THAP7: variants seen among roughly 807,000 people sequenced by gnomAD.
THAP7 encodes the protein THAP domain-containing protein 7.
Under a neutral mutation model 29.2 loss-of-function variants are expected in THAP7, and 22 were observed. The ratio of observed to expected loss-of-function variants is 0.75; its 90% CI spans 0.54 to 1.08. The LOEUF (loss-of-function observed/expected upper bound fraction) is 1.08. Ranked by LOEUF, THAP7 falls within the 50% of genes least tolerant of loss-of-function variation. The pLI, the probability that THAP7 is intolerant of heterozygous loss-of-function variation, is 0.00. For missense variants in THAP7, 448 were observed against 416.2 expected, an observed-to-expected ratio of 1.08 and a Z score of -0.66; for synonymous variants, 208 against 173.4, an observed-to-expected ratio of 1.20 and a Z score of -1.57.
At position 21,001,945 on chromosome 22, in the gene THAP7, CTCTCCGGGCATCCGG is replaced by C. The variant is rs1163069665; in HGVS notation, c.-49_-35del. The stretch of plus-strand genomic sequence containing the variant: ...GAGGCGGGAGTTAAGTCGCAAGCGG[CTCTCCGGGCATCCGG>C]AGGAGCCTCGCGCCTCCAGCCGCCG... On this transcript the variant is annotated 5_prime_UTR_variant, in exon 1 of 4. The change abolishes an upstream ATG in the 5' untranslated region. Coordinates refer to ENST00000215742, the MANE Select transcript of THAP7 (RefSeq NM_030573.3). The C allele has an allele frequency of 6.5e-7, 1 of 1,527,088 alleles. No homozygotes were observed. 94.6% of individuals were successfully genotyped at this position (1,527,088 alleles called of 1,614,324 possible). A position where few individuals can be genotyped will look rare whatever the true frequency, so the allele number is the denominator to read the frequency against.
rs1456979399 is a variant in THAP7 at position 20,999,987 on chromosome 22, G to A, written c.823C>T (p.Leu275=). Residue 275 remains leucine, a synonymous_variant, in exon 4 of 4, where the codon CTG becomes TTG. Coordinates refer to ENST00000215742, the MANE Select transcript of THAP7 (RefSeq NM_030573.3). ...EQRLRLRLTK[L]QQERAREKRA... ...TTCTCCCGTGCCCGCTCCTGCTGCA[G>A]CTTGGTCAGTCTCAACCGCAGCCGC... 1.9e-6 allele frequency: 3 copies of A among 1,612,702 alleles called. No individual in the cohort carries two copies. The African/African-American group carries it at 4.0e-5, about 22-fold the overall frequency.
At chr22:21,000,502 C>A in intron 3 of THAP7, 70 bp from the exon 4 acceptor site, 1 of 1,546,358 alleles carries the variant, frequency 6.5e-7, no homozygotes, top group Non-Finnish European at 8.7e-7. Context: ...CACCAGCCCA[C>A]CTGATCCACC....
At position 21,000,037 on chromosome 22, in the gene THAP7, A is replaced by G; in HGVS notation, c.773T>C (p.Leu258Pro). Residue 258 changes from leucine (L) to proline (P), a missense_variant, in exon 4 of 4, where the codon CTG (leucine) becomes CCG (proline). Transcript: ENST00000215742. Reference sequence around the variant, plus strand: ...CTGCTCCCGCCGCTTGCAGGCCTGCAGCTGGCGCTGGGCCTTGTCAAGGGC... The same window carrying G: ...CTGCTCCCGCCGCTTGCAGGCCTGCGGCTGGCGCTGGGCCTTGTCAAGGGC... The part of the protein sequence containing the change: ...LDALDKAQRQ[L>P]QACKRREQRL... The G allele has an allele frequency of 6.2e-7, 1 of 1,612,946 alleles. No individual in the cohort carries two copies. Among genetic ancestry groups the G allele is most frequent in the Non-Finnish European group, 8.5e-7 (1 of 1,179,946 alleles).
At position 20,999,648 on chromosome 22, in the gene THAP7, A is replaced by C; in HGVS notation, c.*232T>G. 1.7e-6 allele frequency: 1 copy of C among 572,672 alleles called. No homozygotes were observed. The highest frequency in any genetic ancestry group is 1.9e-5 in the African/African-American group (1 of 53,502). 35.5% of individuals were successfully genotyped at this position (572,672 alleles called of 1,614,324 possible). A position where few individuals can be genotyped will look rare whatever the true frequency, so the allele number is the denominator to read the frequency against. On this transcript the variant is annotated 3_prime_UTR_variant, in exon 4 of 4. Transcript: ENST00000215742. The stretch of plus-strand genomic sequence containing the variant: ...CCAGTAGCTCTGAGGGGTGAGAGCC[A>C]GGCTCCCTGTTCTCCTTGGCAAAGA...
Position 21,001,816 on chromosome 22 carries a change from G to A in THAP7, c.80+16C>T, listed in dbSNP as rs942556402. ...TAGCGCATGCGCACGTGAGCCCGCG[G>A]CGCACGCGCGCTGACCTGTGGAAGG... On this transcript the variant is annotated intron_variant, in intron 1 of 3. Transcript: ENST00000215742. The A allele has an allele frequency of 6.5e-7, 1 of 1,545,770 alleles. No homozygotes were observed. The highest frequency in any genetic ancestry group is 2.0e-5 in the Admixed American group (1 of 50,546).
intron 2 of THAP7, 28 bp from the exon 3 acceptor site, chr22:21,000,815 T>G (rs1407450071): frequency 6.2e-7 from 1 of 1,613,026 alleles, no homozygotes; most frequent in South Asian, 1.1e-5. Flanking sequence ...CCAGATGAGC[T>G]GGAGAGCAAG....
chr22:21,001,104 G>T, intron 2 of THAP7, 152 bp downstream of exon 2: 1 of 1,171,250 alleles, frequency 8.5e-7, no homozygotes, highest in Non-Finnish European at 1.2e-6. Context: ...CAGGCACAGT[G>T]ATCCTGGGGG....
In THAP7 at chr22:21,000,460, G is replaced by A. The variant is rs764016313; in HGVS notation, c.378-28C>T. On this transcript the variant is annotated intron_variant, in intron 3 of 3. Transcript: ENST00000215742. ...GGTAAGGGGGAAGAGAGAGACTGATGGGCTAGGCTGAGGGCTTGCCAGACC... is the reference window on the plus strand; with the variant it reads ...GGTAAGGGGGAAGAGAGAGACTGATAGGCTAGGCTGAGGGCTTGCCAGACC... 14 of 1,541,196 alleles carry A rather than the reference G, an allele frequency of 9.1e-6. No homozygotes were observed. In the African/African-American group the frequency reaches 1.6e-4, roughly 18 times the overall value.
At position 21,001,898 on chromosome 22, in the gene THAP7, C is replaced by A; in HGVS notation, c.14G>T (p.Cys5Phe). Residue 5 changes from cysteine to phenylalanine, a missense_variant, in exon 1 of 4, where the codon TGC (cysteine) becomes TTC (phenylalanine). Coordinates refer to ENST00000215742, the MANE Select transcript of THAP7 (RefSeq NM_030573.3). MPRH[C>F]SAAGCCTRDT... ...CCGTGTGCAGCAGCCGGCGGCGGAG[C>A]AGTGACGCGGCATCTGGGAAAGAGG... The A allele has an allele frequency of 1.3e-6, 2 of 1,570,562 alleles. No individual in the cohort carries two copies. Among genetic ancestry groups the A allele is most frequent in the Non-Finnish European group, 1.7e-6 (2 of 1,159,308 alleles).
Position 21,000,704 on chromosome 22 carries a change from C to A in THAP7, c.320G>T (p.Gly107Val). 1 of 1,614,194 alleles carries A rather than the reference C, an allele frequency of 6.2e-7. No homozygotes were observed. Among genetic ancestry groups the A allele is most frequent in the Non-Finnish European group, 8.5e-7 (1 of 1,180,028 alleles). ...SKLRRTTKTK[G>V]HSYPPGPAEV... ...AGCGGGGCCAGGTGGGTAACTGTGT[C>A]CTTTGGTCTTGGTTGTCCGGCGCAA... The change falls in exon 3 of 4, where the codon GGA (glycine) becomes GTA (valine). Residue 107 changes from glycine to valine, a missense_variant. Coordinates refer to ENST00000215742, the MANE Select transcript of THAP7 (RefSeq NM_030573.3).
intron 3 of THAP7, 34 bp from the exon 4 acceptor site, chr22:21,000,466 G>A (rs967995487): frequency 1.3e-6 from 2 of 1,539,306 alleles, no homozygotes; most frequent in African/African-American, 1.4e-5. Context: ...TGATGGGCTA[G>A]GCTGAGGGCT....
intron 1 of THAP7, 81 bp downstream of exon 1, chr22:21,001,751 C>T (rs375542193): frequency 7.8e-6 from 11 of 1,408,560 alleles, no homozygotes; most frequent in Non-Finnish European, 1.1e-5. Flanking sequence ...GAGAAAGGCG[C>T]GAAGCCTCTA....
At chr22:21,001,694 C>A in intron 1 of THAP7, 138 bp downstream of exon 1, 1 of 1,057,296 alleles carries the variant, frequency 9.5e-7, no homozygotes, top group Non-Finnish European at 1.3e-6. Flanking sequence ...CCGCCGGGAC[C>A]GTTCCGCTTC....
Position 21,002,105 on chromosome 22 carries a change from C to T in THAP7, c.-194G>A, listed in dbSNP as rs1477619898. Reference sequence around the variant, plus strand: ...ACTCACGCTCTGGCCATTGCTGCGCCGCCGAAGTCTCGCGAGGGGTAGCGC... The same window carrying T: ...ACTCACGCTCTGGCCATTGCTGCGCTGCCGAAGTCTCGCGAGGGGTAGCGC... On this transcript the variant is annotated 5_prime_UTR_variant, in exon 1 of 4. Coordinates refer to ENST00000215742, the MANE Select transcript of THAP7 (RefSeq NM_030573.3). 2 of 573,084 alleles carry T rather than the reference C, an allele frequency of 3.5e-6. No individual in the cohort carries two copies. Among genetic ancestry groups the T allele is most frequent in the East Asian group, 3.3e-5 (1 of 29,904 alleles). 35.5% of individuals were successfully genotyped at this position (573,084 alleles called of 1,614,324 possible). A position where few individuals can be genotyped will look rare whatever the true frequency, so the allele number is the denominator to read the frequency against.
At chr22:21,001,463 T>C (rs1746325399) in intron 1 of THAP7, 52 bp from the exon 2 acceptor site, 13 of 1,590,052 alleles carry the variant, frequency 8.2e-6, no homozygotes, top group Non-Finnish European at 8.6e-6. Flanking sequence ...CCTGGGCTCA[T>C]GCTGCCCAAG....
At position 21,000,434 on chromosome 22, in the gene THAP7, T is replaced by C. The variant is rs1925094393; in HGVS notation, c.378-2A>G. The C allele has an allele frequency of 6.5e-6, 10 of 1,549,534 alleles. No individual in the cohort carries two copies. The highest frequency in any genetic ancestry group is 8.7e-6 in the Non-Finnish European group (10 of 1,148,730). On this transcript the variant is annotated splice_acceptor_variant, in intron 3 of 3. Transcript: ENST00000215742. LOFTEE classifies it high-confidence loss of function. ...GTGGGCCCTCGGCCCTCGGAGCAGCTGGTAAGGGGGAAGAGAGAGACTGAT... is the reference window on the plus strand; with the variant it reads ...GTGGGCCCTCGGCCCTCGGAGCAGCCGGTAAGGGGGAAGAGAGAGACTGAT...
Position 21,000,683 on chromosome 22 carries a change from G to T in THAP7, c.341C>A (p.Pro114His). ...TCGTCTGAGCCGGCTGACTTCAGCGGGGCCAGGTGGGTAACTGTGTCCTTT... is the reference window on the plus strand; with the variant it reads ...TCGTCTGAGCCGGCTGACTTCAGCGTGGCCAGGTGGGTAACTGTGTCCTTT... ...KTKGHSYPPG[P>H]AEVSRLRRCR... The change falls in exon 3 of 4, where the codon CCC (proline) becomes CAC (histidine). Residue 114 changes from proline to histidine, a missense_variant. Transcript: ENST00000215742. 5.0e-6 allele frequency: 8 copies of T among 1,614,176 alleles called. No homozygotes were observed. The highest frequency in any genetic ancestry group is 6.8e-6 in the Non-Finnish European group (8 of 1,180,016).
Position 20,999,950 on chromosome 22 carries a change from G to A in THAP7, c.860C>T (p.Ala287Val). 2 of 1,612,432 alleles carry A rather than the reference G, an allele frequency of 1.2e-6. No individual in the cohort carries two copies. Among genetic ancestry groups the A allele is most frequent in the Non-Finnish European group, 8.5e-7 (1 of 1,179,988 alleles). ...CTCCTTCAGAGTCTGGCGGGCATCTGCCTGTGCCCGCTTCTCCCGTGCCCG... is the reference window on the plus strand; with the variant it reads ...CTCCTTCAGAGTCTGGCGGGCATCTACCTGTGCCCGCTTCTCCCGTGCCCG... ...QERAREKRAQ[A>V]DARQTLKEHV... Residue 287 changes from alanine to valine, a missense_variant, in exon 4 of 4, where the codon GCA (alanine) becomes GTA (valine). Physicochemically the swap from Ala to Val is moderately conservative, Grantham distance 64 (BLOSUM62 0). Transcript: ENST00000215742.
In THAP7 at chr22:21,001,319, G is replaced by C; in HGVS notation, c.173C>G (p.Ser58Cys). 6.2e-7 allele frequency: 1 copy of C among 1,614,132 alleles called. No homozygotes were observed. The highest frequency in any genetic ancestry group is 8.5e-7 in the Non-Finnish European group (1 of 1,180,024). ...TTTGGAGCAGAAGTAGATGTACTCG[G>C]ATGCCGGGTCCCACAGGCCCTGGCC... ...PSGQGLWDPA[S>C]EYIYFCSKHF... The change falls in exon 2 of 4, where the codon TCC (serine) becomes TGC (cysteine). Residue 58 changes from serine to cysteine, a missense_variant. Physicochemically the swap from Ser to Cys is moderately radical, Grantham distance 112. Coordinates refer to ENST00000215742, the MANE Select transcript of THAP7 (RefSeq NM_030573.3).
Sources: allele counts gnomAD v4.1 joint callset, GRCh38; gene constraint gnomAD v4.1.1; transcripts MANE v1.5; gene names NCBI Gene and HGNC (gene_info 2026-07-23, HGNC 2026-07-21).